Variants in TTC39C observed in about 807,000 individuals in gnomAD.
TTC39C encodes tetratricopeptide repeat domain 39C, also known as tetratricopeptide repeat protein 39C.
A neutral mutation model predicts 76.3 loss-of-function variants in TTC39C; 33 were observed. The ratio of observed to expected loss-of-function variants is 0.43; its 90% CI spans 0.33 to 0.58. The LOEUF (loss-of-function observed/expected upper bound fraction) is 0.58. Among genes scored for constraint, TTC39C ranks in the 20% least tolerant of loss-of-function variants. TTC39C has a pLI of 0.04. For missense variants in TTC39C, 595 were observed against 701.4 expected (o/e 0.85, Z 1.71); for synonymous variants, 254 against 260.6 (o/e 0.97, Z 0.24).
At chr18:24,064,013 T>A (rs1193040903) in intron 1 of TTC39C, 127 bp from the exon 2 acceptor site, 10 of 1,312,796 alleles carry the variant, frequency 7.6e-6, no homozygotes, top group South Asian at 1.6e-5. Context: ...ATCTGCTTGA[T>A]GACCTTAACT....
At chr18:24,131,534 C>T (rs2085129525) in intron 12 of TTC39C, among the ~76,000 whole-genome samples, 2 of 151,862 alleles carry the variant, frequency 1.3e-5, no homozygotes, top group South Asian at 2.1e-4. Flanking sequence ...AGCTAAATCC[C>T]GTCTCTACTA....
chr18:24,014,730 C>T (rs867974966), upstream of TTC39C: 32 of 1,133,286 alleles, frequency 2.8e-5, no homozygotes, highest in Middle Eastern at 2.2e-3. Context: ...CCCTCCTCTT[C>T]CCTCCCGTCT....
intron 1 of TTC39C, among the ~76,000 whole-genome samples, chr18:24,043,623 C>T (rs1599265715): frequency 6.6e-6 from 1 of 152,200 alleles, no homozygotes; most frequent in South Asian, 2.1e-4. Context: ...AGTTGCTCAA[C>T]ACGAGGCTGC....
intron 7 of TTC39C, among the ~76,000 whole-genome samples, chr18:24,116,819 GTTTTTTTTTT>G (rs767138108): frequency 5.4e-4 from 51 of 95,070 alleles, no homozygotes; most frequent in African/African-American, 1.8e-3. Context: ...TGATACCTTA[GTTTTTTTTTT>G]TTTTTTTTTT....
chr18:24,036,969 T>C (rs2083740185), intron 1 of TTC39C, among the ~76,000 whole-genome samples: 1 of 152,194 alleles, frequency 6.6e-6, no homozygotes, highest in Non-Finnish European at 1.5e-5. Context: ...TCATGTCATC[T>C]GTAAACAGAG....
At chr18:24,057,734 G>A (rs1246094402) in intron 1 of TTC39C, among the ~76,000 whole-genome samples, 1 of 152,100 alleles carries the variant, frequency 6.6e-6, no homozygotes, top group African/African-American at 2.4e-5. Context: ...TTAACATGGT[G>A]TATGTGTCTT....
At chr18:24,025,930 G>T (rs1310937685) in intron 1 of TTC39C, among the ~76,000 whole-genome samples, 2 of 152,198 alleles carry the variant, frequency 1.3e-5, no homozygotes, top group African/African-American at 4.8e-5. Context: ...GTTGGTGACG[G>T]CAGGCAGCAG....
intron 6 of TTC39C, among the ~76,000 whole-genome samples, chr18:24,111,212 G>A (rs886547037): frequency 2.1e-4 from 32 of 152,038 alleles, no homozygotes; most frequent in Non-Finnish European, 4.1e-4. Context: ...GGCTGGTGTC[G>A]ATCTCCTGAC....
chr18:24,103,796 C>T (rs2084709429), intron 6 of TTC39C, among the ~76,000 whole-genome samples: 1 of 146,774 alleles, frequency 6.8e-6, no homozygotes, highest in East Asian at 2.1e-4. Context: ...GCTCTTCTTG[C>T]CCTGCAGTCT....
intron 9 of TTC39C, among the ~76,000 whole-genome samples, chr18:24,124,547 G>C (rs1016563543): frequency 6.6e-6 from 1 of 152,178 alleles, no homozygotes; most frequent in African/African-American, 2.4e-5. Context: ...GTATTCCTAT[G>C]TATTCTGTAC....
upstream of TTC39C, among the ~76,000 whole-genome samples, chr18:24,014,053 G>A (rs2083414279): frequency 6.6e-6 from 1 of 152,264 alleles, no homozygotes; most frequent in Admixed American, 6.5e-5. Context: ...GTGGTACCGG[G>A]ATCCGAGGGG....
intron 1 of TTC39C, among the ~76,000 whole-genome samples, chr18:24,024,775 T>C (rs2083576974): frequency 6.6e-6 from 1 of 152,216 alleles, no homozygotes; most frequent in South Asian, 2.1e-4. Flanking sequence ...AAAAAATGTT[T>C]ATAGGATAGT....
intron 6 of TTC39C, among the ~76,000 whole-genome samples, chr18:24,089,223 A>G (rs2084486717): frequency 1.3e-5 from 2 of 152,166 alleles, no homozygotes; most frequent in African/African-American, 4.8e-5. Context: ...ACATTATCAG[A>G]GCTGTTTGGT....
intron 1 of TTC39C, among the ~76,000 whole-genome samples, chr18:24,063,621 T>C (rs2084128622): frequency 6.6e-6 from 1 of 151,590 alleles, no homozygotes; most frequent in Admixed American, 6.6e-5. Context: ...CACGCAATTG[T>C]CCCTGCCTCA....
chr18:24,092,282 A>G (rs1030389017), intron 6 of TTC39C, among the ~76,000 whole-genome samples: 1 of 152,134 alleles, frequency 6.6e-6, no homozygotes, highest in Non-Finnish European at 1.5e-5. Flanking sequence ...AAGTGTGGGC[A>G]GGATGCAGAG....
At chr18:24,094,059 A>G (rs1484717052) in intron 6 of TTC39C, among the ~76,000 whole-genome samples, 4 of 152,220 alleles carry the variant, frequency 2.6e-5, no homozygotes, top group East Asian at 1.9e-4. Context: ...AATTAAGTCA[A>G]TTCTCTCAAA....
chr18:24,108,388 C>G, intron 6 of TTC39C, among the ~76,000 whole-genome samples: 1 of 152,162 alleles, frequency 6.6e-6, no homozygotes, highest in East Asian at 1.9e-4. Flanking sequence ...ATAGTCTGGG[C>G]CAAATCCCCA....
intron 6 of TTC39C, among the ~76,000 whole-genome samples, chr18:24,091,098 C>T (rs984429073): frequency 3.3e-5 from 5 of 152,236 alleles, no homozygotes; most frequent in African/African-American, 9.6e-5. Flanking sequence ...TAAGCCGCCA[C>T]GCCCGGCCTT....
intron 1 of TTC39C, among the ~76,000 whole-genome samples, chr18:24,034,034 G>A (rs757470396): frequency 6.6e-6 from 1 of 152,230 alleles, no homozygotes; most frequent in Admixed American, 6.5e-5. Context: ...GCCCCTATTT[G>A]AGGGACTGTG....
Sources: allele counts gnomAD v4.1 joint callset (sites outside exome capture counted in the v4.1 genomes callset), GRCh38; gene constraint gnomAD v4.1.1; transcripts MANE v1.5; gene names NCBI Gene and HGNC (gene_info 2026-07-23, HGNC 2026-07-21).